The following TLCD3B variants were observed in gnomAD, a reference collection of about 807,000 sequenced individuals.
TLCD3B encodes the protein ceramide synthase.
A neutral mutation model predicts 23.0 loss-of-function variants in TLCD3B; 9 were observed. The ratio of observed to expected loss-of-function variants is 0.39; its 90% CI spans 0.24 to 0.68. The LOEUF (loss-of-function observed/expected upper bound fraction) is 0.68, where lower values mean the gene tolerates loss of function less well. TLCD3B is among the 30% of genes least tolerant of loss of function. TLCD3B has a pLI of 0.44. For synonymous variants in TLCD3B, 161 were observed against 161.0 expected (o/e 1.00, Z 0.00); for missense variants, 307 against 371.8 (o/e 0.83, Z 1.43).
intron 2 of TLCD3B, 188 bp from the exon 3 acceptor site, chr16:30,027,031 G>A: frequency 1.5e-6 from 1 of 689,316 alleles, no homozygotes; most frequent in South Asian, 1.5e-5. Flanking sequence ...GTAAGAGATG[G>A]TGCTGGGATT....
chr16:30,045,089 T>G, intron 2 of TLCD3B, among the ~76,000 whole-genome samples: 1 of 38,800 alleles, frequency 2.6e-5, no homozygotes, highest in Non-Finnish European at 4.6e-5. Flanking sequence ...CAAGACTCCA[T>G]CTCAAAAAAA....
chr16:30,050,222 T>C (rs2071730029), intron 1 of TLCD3B, among the ~76,000 whole-genome samples: 2 of 152,086 alleles, frequency 1.3e-5, no homozygotes, highest in Admixed American at 1.3e-4. Flanking sequence ...CTCAACTTGG[T>C]CCTCAGGATT....
At chr16:30,043,078 G>A (rs2071602663) in intron 2 of TLCD3B, among the ~76,000 whole-genome samples, 1 of 151,990 alleles carries the variant, frequency 6.6e-6, no homozygotes, top group African/African-American at 2.4e-5. Context: ...CCAGCCTGGT[G>A]ACAGAGTAAA....
chr16:30,051,791 G>T (rs1162897243), intron 1 of TLCD3B, among the ~76,000 whole-genome samples: 2 of 152,192 alleles, frequency 1.3e-5, no homozygotes, highest in Non-Finnish European at 1.5e-5. Context: ...TCTGCCTGAG[G>T]TTGGCAGGGA....
At chr16:30,049,645 C>G (rs1273963298) in intron 1 of TLCD3B, among the ~76,000 whole-genome samples, 1 of 151,932 alleles carries the variant, frequency 6.6e-6, no homozygotes, top group Non-Finnish European at 1.5e-5. Flanking sequence ...GGCCTCGGCA[C>G]AGCCAGGCGC....
At chr16:30,043,903 C>A (rs1356992287) in intron 2 of TLCD3B, among the ~76,000 whole-genome samples, 1 of 151,882 alleles carries the variant, frequency 6.6e-6, no homozygotes, top group South Asian at 2.1e-4. Flanking sequence ...TCATGCTGGT[C>A]TCAAACTCCT....
intron 3 of TLCD3B, among the ~76,000 whole-genome samples, chr16:30,038,729 G>A (rs2071520063): frequency 6.6e-6 from 1 of 151,574 alleles, no homozygotes; most frequent in African/African-American, 2.4e-5. Context: ...CTGCACTTCA[G>A]CCTGGGCGAC....
At chr16:30,046,471 G>C (rs1332805134) in intron 1 of TLCD3B, 2 of 152,226 alleles carry the variant, frequency 1.3e-5, no homozygotes, top group East Asian at 3.9e-4. Flanking sequence ...TTTCCCACAT[G>C]ATACCCAGGG....
rs1408537338 is a variant in TLCD3B at position 30,024,999 on chromosome 16, G to C, written c.*184C>G. ...GTGCAGGAAGGGGGCAGAGTAGGGG[G>C]AAGAGGTCCCCTCTCTCCACCCCCT... On this transcript the variant is annotated 3_prime_UTR_variant, in exon 5 of 5. Transcript: ENST00000380495. 1 of 534,530 alleles carries C rather than the reference G, an allele frequency of 1.9e-6. No homozygotes were observed. The highest frequency in any genetic ancestry group is 3.2e-6 in the Non-Finnish European group (1 of 308,548). The allele number at this position is 534,530 out of a possible 1,614,324, so 33.1% of individuals were successfully genotyped here. A position where few individuals can be genotyped will look rare whatever the true frequency, so the allele number is the denominator to read the frequency against.
chr16:30,034,766 G>A (rs2071434597), upstream of TLCD3B, among the ~76,000 whole-genome samples: 2 of 152,218 alleles, frequency 1.3e-5, no homozygotes, highest in Admixed American at 1.3e-4. Context: ...CTCTACAGAC[G>A]CTGATTCATA....
At chr16:30,042,972 C>T (rs890770543) in intron 2 of TLCD3B, among the ~76,000 whole-genome samples, 5 of 151,954 alleles carry the variant, frequency 3.3e-5, no homozygotes, top group Admixed American at 1.3e-4. Flanking sequence ...TGGTGGCACA[C>T]GCCTGTAATC....
intron 3 of TLCD3B, among the ~76,000 whole-genome samples, chr16:30,036,683 T>G (rs2071480805): frequency 6.6e-6 from 1 of 152,094 alleles, no homozygotes; most frequent in Non-Finnish European, 1.5e-5. Context: ...TGGGGGGCGG[T>G]TCCAGCAAGC....
chr16:30,033,591 A>G (rs1287411833), upstream of TLCD3B: 2 of 152,156 alleles, frequency 1.3e-5, no homozygotes, highest in East Asian at 3.8e-4. Flanking sequence ...GCCCACAGAC[A>G]TGTTTTGTTT....
At chr16:30,035,581 C>T, upstream of TLCD3B, 1 of 1,155,586 alleles carries the variant, frequency 8.7e-7, no homozygotes. Context: ...AGGCAAGCCC[C>T]AAGAGACCCA....
chr16:30,045,760 C>T lies in TLCD3B; in HGVS notation c.-229+563G>A, dbSNP rs116527987. Among the ~76,000 whole-genome samples, 748 of 148,392 alleles carry T rather than the reference C, an allele frequency of 5.0e-3. 6 individuals are homozygous for T. Among genetic ancestry groups the T allele is most frequent in the African/African-American group, 0.017 (696 of 40,312 alleles). ...GTTTGTGTGTGTGTGTGTCTTCTTGCTGACATACCACCTAAAATAAACCCA... is the reference window on the plus strand; with the variant it reads ...GTTTGTGTGTGTGTGTGTCTTCTTGTTGACATACCACCTAAAATAAACCCA... On this transcript the variant is annotated intron_variant, in intron 2 of 6. Transcript: ENST00000561666.
In TLCD3B at chr16:30,045,605, T is replaced by A. The variant is rs575549027; in HGVS notation, c.-229+718A>T. Among the ~76,000 whole-genome samples, 26 of 145,606 alleles carry A rather than the reference T, an allele frequency of 1.8e-4. No individual in the cohort carries two copies. The East Asian group carries it at 4.5e-3, about 25-fold the overall frequency. On this transcript the variant is annotated intron_variant, in intron 2 of 6. Coordinates refer to the TLCD3B transcript ENST00000561666. ...ATGTGTGTGGTGAGTGGTGTGTGTGTTTGTGTGGTGTGTGTGTGTATTTGT... is the reference window on the plus strand; with the variant it reads ...ATGTGTGTGGTGAGTGGTGTGTGTGATTGTGTGGTGTGTGTGTGTATTTGT...
chr16:30,043,289 G>T (rs2071606221), intron 2 of TLCD3B, among the ~76,000 whole-genome samples: 1 of 152,176 alleles, frequency 6.6e-6, no homozygotes, highest in East Asian at 1.9e-4. Context: ...ACACTGGTAC[G>T]ATTAGCTCAC....
At chr16:30,039,101 C>CTT (rs10623783) in intron 3 of TLCD3B, among the ~76,000 whole-genome samples, 8 of 120,856 alleles carry the variant, frequency 6.6e-5, no homozygotes, top group African/African-American at 2.5e-4. Flanking sequence ...CCTCCTTCCT[C>CTT]TCTTTTTTTT....
In TLCD3B at chr16:30,043,425, C is replaced by T. The variant is rs182945707; in HGVS notation, c.-228-2269G>A. Among the ~76,000 whole-genome samples, 305 of 152,074 alleles carry T rather than the reference C, an allele frequency of 2.0e-3. 2 individuals carry two copies. The highest frequency in any genetic ancestry group is 3.2e-3 in the Non-Finnish European group (219 of 68,000). ...AAGTTTTTCCTACAGATGGGGGTCT[C>T]GATTTGTTGCCCAGGTTGGTCTCAA... is the stretch of plus-strand genomic sequence containing the variant. On this transcript the variant is annotated intron_variant, in intron 2 of 6. Transcript: ENST00000561666.
Sources: allele counts gnomAD v4.1 joint callset (sites outside exome capture counted in the v4.1 genomes callset), GRCh38; gene constraint gnomAD v4.1.1; transcripts MANE v1.5; gene names NCBI Gene and HGNC (gene_info 2026-07-23, HGNC 2026-07-21).